Variants in PCNP observed in about 807,000 individuals in gnomAD.
PCNP encodes the protein PEST proteolytic signal containing nuclear protein, also known as PEST proteolytic signal-containing nuclear protein.
In PCNP, 6 loss-of-function variants were observed where a neutral mutation model predicts 21.8. That is an observed-to-expected ratio of 0.28 (90% CI 0.15 to 0.54). The LOEUF is 0.54. Among genes scored for constraint, PCNP ranks in the 20% least tolerant of loss-of-function variants. PCNP has a pLI of 0.95. For synonymous variants in PCNP, 67 were observed against 73.2 expected, an observed-to-expected ratio of 0.92 and a Z score of 0.43; for missense variants, 161 against 215.5, an observed-to-expected ratio of 0.75 and a Z score of 1.58.
In PCNP at chr3:101,574,238, A is replaced by T; in HGVS notation, c.23A>T (p.Asp8Val). The T allele has an allele frequency of 6.5e-7, 1 of 1,549,456 alleles. No individual in the cohort carries two copies. Among genetic ancestry groups the T allele is most frequent in the East Asian group, 2.5e-5 (1 of 40,742 alleles). The change falls in exon 1 of 5, where the codon GAC (aspartate) becomes GTC (valine). Residue 8 changes from aspartate (D) to valine (V), a missense_variant. Physicochemically the swap from Asp to Val is radical, Grantham distance 152. Transcript: ENST00000265260. ...AAAATGGCGGACGGGAAGGCGGGAG[A>T]CGAGAAGCCTGAAAAGTCGCAGCGA... MADGKAG[D>V]EKPEKSQRAG...
intron 1 of PCNP, among the ~76,000 whole-genome samples, chr3:101,575,971 G>A (rs1934858183): frequency 6.6e-6 from 1 of 152,094 alleles, no homozygotes; most frequent in African/African-American, 2.4e-5. Context: ...TACATAATTT[G>A]TCTCCTTGCC....
At chr3:101,581,278 T>C (rs1935206964) in intron 2 of PCNP, among the ~76,000 whole-genome samples, 1 of 152,136 alleles carries the variant, frequency 6.6e-6, no homozygotes, top group Non-Finnish European at 1.5e-5. Flanking sequence ...TGCATAAATA[T>C]TTAATGTTTT....
chr3:101,583,651 TG>T (rs997929223), intron 2 of PCNP, among the ~76,000 whole-genome samples: 1 of 151,756 alleles, frequency 6.6e-6, no homozygotes, highest in Non-Finnish European at 1.5e-5. Context: ...TTTTTTGTTT[TG>T]TTTTTTGGAT....
At chr3:101,585,595 A>G in intron 3 of PCNP, 84 bp downstream of exon 3, 3 of 750,542 alleles carry the variant, frequency 4.0e-6, no homozygotes, top group South Asian at 3.6e-5. Flanking sequence ...TTATAATAGT[A>G]TTAGTGAATT....
In PCNP at chr3:101,582,492, G is replaced by T. The variant is rs140514375; in HGVS notation, c.279+2488G>T. On this transcript the variant is annotated intron_variant, in intron 2 of 4. Transcript: ENST00000265260. ...AGTGTAAACACAGTCTTATTGGGAGGGTGAGGTGTAGGATATTAAAAAAAA... is the reference window on the plus strand; with the variant it reads ...AGTGTAAACACAGTCTTATTGGGAGTGTGAGGTGTAGGATATTAAAAAAAA... Among the ~76,000 whole-genome samples the T allele has an allele frequency of 1.8e-3, 281 of 152,152 alleles. 1 individual carries two copies. Among genetic ancestry groups the T allele is most frequent in the African/African-American group, 6.5e-3 (268 of 41,518 alleles).
At chr3:101,574,323 G>A in intron 1 of PCNP, 44 bp downstream of exon 1, 1 of 1,507,016 alleles carries the variant, frequency 6.6e-7, no homozygotes, top group Non-Finnish European at 8.9e-7. Flanking sequence ...GATGCTCCGG[G>A]CCTTTCTTTG....
At chr3:101,582,016 A>G (rs1292014456) in intron 2 of PCNP, among the ~76,000 whole-genome samples, 2 of 151,664 alleles carry the variant, frequency 1.3e-5, no homozygotes, top group African/African-American at 4.8e-5. Context: ...CTGGGATTAC[A>G]GGTGTGAGCC....
intron 2 of PCNP, among the ~76,000 whole-genome samples, chr3:101,582,156 T>C (rs1935259661): frequency 1.3e-5 from 2 of 151,794 alleles, no homozygotes; most frequent in African/African-American, 2.4e-5. Context: ...AATCTGTTTT[T>C]ATAAAATAAA....
chr3:101,586,571 T>TGA lies in PCNP; in HGVS notation c.354+1078_354+1079dup, dbSNP rs1553771573. ...GTGTGTGTGTGTGTGTGTGTGTGTG[T>TGA]GAGAGAGAGAGAGAGAGAGTTTCTT... is the stretch of plus-strand genomic sequence containing the variant. On this transcript the variant is annotated intron_variant, in intron 3 of 4. Coordinates refer to ENST00000265260, the MANE Select transcript of PCNP (RefSeq NM_020357.3). 7.9e-3 allele frequency among the ~76,000 whole-genome samples: 901 copies of TGA among 114,188 alleles called. 12 individuals carry two copies. Among genetic ancestry groups the TGA allele is most frequent in the African/African-American group, 0.025 (819 of 32,936 alleles). 74.9% of individuals were successfully genotyped at this position (114,188 alleles called of 152,430 possible).
At position 101,590,226 on chromosome 3, in the gene PCNP, G is replaced by A. The variant is rs1323170196; in HGVS notation, c.366G>A (p.Glu122=). 6.4e-7 allele frequency: 1 copy of A among 1,566,800 alleles called. No homozygotes were observed. Among genetic ancestry groups the A allele is most frequent in the South Asian group, 1.1e-5 (1 of 89,688 alleles). ...ACTTTTTTCTTTAGAGTGAACCAGA[G>A]GAAATGCCTCCAGAAGCAAAGATGA... ...AFNEDEDSEP[E]EMPPEAKMRM... The change falls in exon 4 of 5, where the codon GAG becomes GAA. Residue 122 remains glutamate (E), a synonymous_variant. Transcript: ENST00000265260.
intron 2 of PCNP, among the ~76,000 whole-genome samples, chr3:101,580,829 A>T (rs1428799211): frequency 2.0e-5 from 3 of 152,196 alleles, no homozygotes; most frequent in African/African-American, 7.2e-5. Context: ...AACCAAATAG[A>T]TTTCTTATTT....
intron 2 of PCNP, among the ~76,000 whole-genome samples, chr3:101,585,073 A>G (rs1935427420): frequency 6.6e-6 from 1 of 152,248 alleles, no homozygotes; most frequent in South Asian, 2.1e-4. Context: ...GCCTAGAGGC[A>G]GAAAGCCCCT....
intron 2 of PCNP, 106 bp from the exon 3 acceptor site, chr3:101,585,331 C>A: frequency 1.5e-6 from 1 of 680,442 alleles, no homozygotes; most frequent in Non-Finnish European, 2.4e-6. Flanking sequence ...ATACAAATTT[C>A]TGTGGAAATA....
At chr3:101,591,956 G>A (rs1168220013) in intron 4 of PCNP, among the ~76,000 whole-genome samples, 1 of 151,510 alleles carries the variant, frequency 6.6e-6, no homozygotes, top group African/African-American at 2.4e-5. Flanking sequence ...ATTTTTTGTC[G>A]AGACAGGGTC....
At chr3:101,583,928 T>TG (rs1935365254) in intron 2 of PCNP, among the ~76,000 whole-genome samples, 1 of 148,664 alleles carries the variant, frequency 6.7e-6, no homozygotes, top group Non-Finnish European at 1.5e-5. Context: ...CCTCCCAAAG[T>TG]GCTGGGATTA....
intron 1 of PCNP, among the ~76,000 whole-genome samples, chr3:101,578,845 C>T (rs1054165393): frequency 7.9e-5 from 12 of 152,082 alleles, no homozygotes; most frequent in Admixed American, 3.9e-4. Flanking sequence ...TCCAGTGTAG[C>T]ATAATACATT....
intron 2 of PCNP, among the ~76,000 whole-genome samples, chr3:101,584,732 T>C (rs1394741439): frequency 6.6e-6 from 1 of 152,110 alleles, no homozygotes; most frequent in Non-Finnish European, 1.5e-5. Context: ...ACCTGGCTGA[T>C]TTTTTGTGTT....
chr3:101,579,788 A>G lies in PCNP; in HGVS notation c.65-2A>G. 1.2e-6 allele frequency: 2 copies of G among 1,610,044 alleles called. No homozygotes were observed. The highest frequency in any genetic ancestry group is 1.7e-6 in the Non-Finnish European group (2 of 1,176,188). On this transcript the variant is annotated splice_acceptor_variant, in intron 1 of 4. Transcript: ENST00000265260. LOFTEE classifies it high-confidence loss of function. The stretch of plus-strand genomic sequence containing the variant: ...CTTGGTAAGTTGTTTCGACTTCACC[A>G]GGACCTGAAGAAGAAGCAGAAAAAC...
intron 1 of PCNP, chr3:101,579,475 C>G (rs1559957718): frequency 2.1e-6 from 1 of 479,186 alleles, no homozygotes; most frequent in South Asian, 1.7e-5. Flanking sequence ...TTCTAAAAAG[C>G]AAAATCCCAC....
Sources: gnomAD v4.1 joint callset for allele counts (sites outside exome capture counted in the v4.1 genomes callset) on GRCh38, gnomAD v4.1.1 for gene constraint, MANE v1.5 for transcripts, NCBI Gene and HGNC (gene_info 2026-07-23, HGNC 2026-07-21) for gene names.